The following WWC1 variants were observed in gnomAD, a reference collection of about 807,000 sequenced individuals.
The protein encoded by WWC1 is WW and C2 domain containing 1, also known as protein KIBRA.
WWC1 carries 55 observed loss-of-function variants against 138.4 expected under a neutral mutation model. The ratio of observed to expected loss-of-function variants is 0.40; its 90% CI spans 0.32 to 0.50. The LOEUF is 0.50. Ranked by LOEUF, WWC1 falls within the 20% of genes least tolerant of loss-of-function variation. The pLI is 0.72. For synonymous variants in WWC1, 524 were observed against 564.9 expected (o/e 0.93, Z 1.03); for missense variants, 1,226 against 1,420.4 (o/e 0.86, Z 2.20).
Position 168,431,374 on chromosome 5 carries a change from C to A in WWC1, c.2210C>A (p.Pro737Gln), listed in dbSNP as rs748493784. ...NEVFWVSMSY[P>Q]ALHQKTLRVD... is the part of the protein sequence containing the mutation. ...GTGTTCTGGGTATCCATGTCCTATC[C>A]AGCCCTTCACCAGAAGACCTTAAGA... Residue 737 changes from proline (P) to glutamine (Q), a missense_variant, in exon 15 of 23, where the codon CCA becomes CAA. Physicochemically the swap from Pro to Gln is moderately conservative, Grantham distance 76. Transcript: ENST00000265293. 6.2e-7 allele frequency: 1 copy of A among 1,614,062 alleles called. No individual in the cohort carries two copies. The highest frequency in any genetic ancestry group is 1.1e-5 in the South Asian group (1 of 91,072).
chr5:168,292,857 C>A lies in WWC1; in HGVS notation c.119+586C>A, dbSNP rs908808184. Among the ~76,000 whole-genome samples, 5 of 152,086 alleles carry A rather than the reference C, an allele frequency of 3.3e-5. No homozygotes were observed. Among genetic ancestry groups the A allele is most frequent in the Non-Finnish European group, 7.4e-5 (5 of 68,024 alleles). On this transcript the variant is annotated intron_variant, in intron 1 of 22. Coordinates refer to ENST00000265293, the MANE Select transcript of WWC1 (RefSeq NM_015238.3). This position sits in a 1 kb window ranked among gnomAD's most constrained non-coding sequence, Gnocchi z 4.4. ...CAGGGGCAGCCAGGGGGCCCTGGAA[C>A]CCGAGGGTGGGGAGGAAGTGAAGAA...
At chr5:168,339,155 A>G (rs903004774) in intron 1 of WWC1, among the ~76,000 whole-genome samples, 1 of 152,298 alleles carries the variant, frequency 6.6e-6, no homozygotes, top group African/African-American at 2.4e-5. Flanking sequence ...CGGTCTGGCT[A>G]TTGTTTAGGG....
rs1781716462 is a variant in WWC1, at chr5:168,428,783, C to T, written c.1996C>T (p.Leu666=). ...GGGTGCGACCCGAATTCAGATTGCC[C>T]TGAAGTAAGTGACGAGGACGAGGAG... The part of the protein sequence containing the change: ...AVGATRIQIA[L]KYDEKNKQFA... The change falls in exon 13 of 23, where the codon CTG becomes TTG. Residue 666 remains leucine, a synonymous_variant. Coordinates refer to ENST00000265293, the MANE Select transcript of WWC1 (RefSeq NM_015238.3). 1.9e-6 allele frequency: 3 copies of T among 1,613,758 alleles called. No homozygotes were observed. The highest frequency in any genetic ancestry group is 1.7e-6 in the Non-Finnish European group (2 of 1,179,822).
In WWC1 at chr5:168,457,140, A is replaced by ATTT. The variant is rs34063177; in HGVS notation, c.2823+1640_2823+1642dup. Among the ~76,000 whole-genome samples, 890 of 119,436 alleles carry ATTT rather than the reference A, an allele frequency of 7.5e-3. 36 individuals carry two copies. Among genetic ancestry groups the ATTT allele is most frequent in the Admixed American group, 0.058 (619 of 10,592 alleles). 78.4% of individuals were successfully genotyped at this position (119,436 alleles called of 152,430 possible). On this transcript the variant is annotated intron_variant, in intron 19 of 22. Coordinates refer to ENST00000265293, the MANE Select transcript of WWC1 (RefSeq NM_015238.3). ...ATCACACTCCACAGGTAGAAAGGGC[A>ATTT]TTTTTTTTTTTTTTTTTTTTTTAGC...
intron 1 of WWC1, among the ~76,000 whole-genome samples, chr5:168,308,398 TAGAA>T (rs1300498940): frequency 1.1e-4 from 16 of 152,362 alleles, no homozygotes; most frequent in Admixed American, 4.6e-4. Context: ...AGGATAAAGT[TAGAA>T]AGTTCTGTAG....
At chr5:168,304,743 G>A (rs1770396591) in intron 1 of WWC1, among the ~76,000 whole-genome samples, 1 of 152,100 alleles carries the variant, frequency 6.6e-6, no homozygotes, top group Non-Finnish European at 1.5e-5. Flanking sequence ...GTTAGTGGTT[G>A]AATGGCAGAC....
intron 1 of WWC1, among the ~76,000 whole-genome samples, chr5:168,338,252 G>C (rs777622674): frequency 1.3e-5 from 2 of 151,032 alleles, no homozygotes; most frequent in Admixed American, 1.3e-4. Context: ...CGGAGGTTGT[G>C]GTGAGCCGAG....
chr5:168,404,484 C>T (rs573833742), intron 5 of WWC1, among the ~76,000 whole-genome samples: 102 of 152,296 alleles, frequency 6.7e-4, no homozygotes, highest in African/African-American at 2.3e-3. Flanking sequence ...CTGAAGTAAC[C>T]GCAGGGGGAG....
At chr5:168,364,632 T>C (rs1012051509) in intron 1 of WWC1, among the ~76,000 whole-genome samples, 1 of 152,170 alleles carries the variant, frequency 6.6e-6, no homozygotes, top group African/African-American at 2.4e-5. Context: ...ACTCACTTGA[T>C]AAATGCTTGT....
chr5:168,356,419 C>T (rs1488347453), intron 1 of WWC1, among the ~76,000 whole-genome samples: 5 of 152,238 alleles, frequency 3.3e-5, no homozygotes, highest in East Asian at 3.9e-4. Context: ...CCTCCAGGCT[C>T]TTATGTGTTG....
chr5:168,441,392 C>T (rs1255771871), intron 15 of WWC1, among the ~76,000 whole-genome samples: 3 of 151,854 alleles, frequency 2.0e-5, no homozygotes, highest in African/African-American at 4.8e-5. Context: ...CACTTAAAAG[C>T]GGCAAAGATG....
intron 11 of WWC1, among the ~76,000 whole-genome samples, chr5:168,426,285 G>A (rs1781495253): frequency 6.6e-6 from 1 of 152,148 alleles, no homozygotes; most frequent in South Asian, 2.1e-4. Flanking sequence ...CTGGAGAGGA[G>A]GGGGTGCAGG....
intron 1 of WWC1, among the ~76,000 whole-genome samples, chr5:168,367,801 A>G (rs2152804858): frequency 6.6e-6 from 1 of 152,306 alleles, no homozygotes; most frequent in South Asian, 2.1e-4. Context: ...TTCTAGGCCT[A>G]GAGTTAGCCC....
At position 168,409,906 on chromosome 5, in the gene WWC1, T is replaced by C; in HGVS notation, c.868-16T>C. On this transcript the variant is annotated splice_polypyrimidine_tract_variant and intron_variant, in intron 7 of 22. Coordinates refer to ENST00000265293, the MANE Select transcript of WWC1 (RefSeq NM_015238.3). Reference sequence around the variant, plus strand: ...ACAACAGCCACATAATTCCTGACTTTGTTCTTCTCCTCCAGTTCGGCATCA... The same window carrying C: ...ACAACAGCCACATAATTCCTGACTTCGTTCTTCTCCTCCAGTTCGGCATCA... The C allele has an allele frequency of 1.2e-6, 2 of 1,613,884 alleles. No individual in the cohort carries two copies. Among genetic ancestry groups the C allele is most frequent in the Non-Finnish European group, 1.7e-6 (2 of 1,179,810 alleles).
chr5:168,451,903 C>CTTTTTTTTTTT (rs3085192), intron 17 of WWC1, among the ~76,000 whole-genome samples: 3 of 108,544 alleles, frequency 2.8e-5, no homozygotes, highest in African/African-American at 3.7e-5. Context: ...TTGTTGGTGT[C>CTTTTTTTTTTT]TTTTTTTTTT....
intron 1 of WWC1, among the ~76,000 whole-genome samples, chr5:168,343,483 G>C (rs560613235): frequency 1.3e-5 from 2 of 152,302 alleles, no homozygotes; most frequent in Admixed American, 6.5e-5. Flanking sequence ...CATGCTGCTT[G>C]TCAGCAGCAG....
chr5:168,297,061 T>C (rs1279367198), intron 1 of WWC1, among the ~76,000 whole-genome samples: 3 of 152,202 alleles, frequency 2.0e-5, no homozygotes, highest in African/African-American at 7.2e-5. Context: ...AATTGACATA[T>C]TGTCCCTGAA....
At chr5:168,368,800 T>G (rs1404553656) in intron 1 of WWC1, among the ~76,000 whole-genome samples, 1 of 152,172 alleles carries the variant, frequency 6.6e-6, no homozygotes, top group Non-Finnish European at 1.5e-5. Context: ...AGCAAGACAC[T>G]GAGAGAAGTG....
chr5:168,445,381 A>T (rs1755156089), intron 17 of WWC1, among the ~76,000 whole-genome samples: 1 of 151,508 alleles, frequency 6.6e-6, no homozygotes, highest in African/African-American at 2.4e-5. Context: ...ACCCACAGTG[A>T]AACCTCATCT....
Sources: allele counts gnomAD v4.1 joint callset (sites outside exome capture counted in the v4.1 genomes callset), GRCh38; gene constraint gnomAD v4.1.1; non-coding constraint Gnocchi (gnomAD v3.1); transcripts MANE v1.5; gene names NCBI Gene and HGNC (gene_info 2026-07-23, HGNC 2026-07-21).